Variants in ZNF587B observed in about 807,000 individuals in gnomAD.
ZNF587B encodes zinc finger protein 587B.
Under a neutral mutation model 7.2 loss-of-function variants are expected in ZNF587B, and 6 were observed. The observed-to-expected ratio is 0.83, with a 90% confidence interval of 0.46 to 1.65. The LOEUF is 1.65. Ranked by LOEUF, ZNF587B falls within the 40% of genes most tolerant of loss-of-function variation. ZNF587B has a pLI of 0.01. For missense variants in ZNF587B, 749 were observed against 761.0 expected (o/e 0.98, Z 0.19); for synonymous variants, 274 against 254.3 (o/e 1.08, Z -0.74).
At position 57,844,258 on chromosome 19, in the gene ZNF587B, T is replaced by C. The variant is rs748238362; in HGVS notation, c.*1682T>C. 2 of 428,124 alleles carry C rather than the reference T, an allele frequency of 4.7e-6. No homozygotes were observed. The highest frequency in any genetic ancestry group is 3.2e-5 in the South Asian group (2 of 61,912). The allele number at this position is 428,124 out of a possible 1,614,324, so 26.5% of individuals were successfully genotyped here. On this transcript the variant is annotated 3_prime_UTR_variant, in exon 3 of 3. Transcript: ENST00000594901. ...GCTCATGCCTGTAATCCCAACACTT[T>C]GGGAGGCCGAGGTGGGTGGATCACA...
Position 57,830,577 on chromosome 19 carries a change from C to T in ZNF587B, c.36+13C>T, listed in dbSNP as rs1304474826. On this transcript the variant is annotated intron_variant, in intron 1 of 2. Coordinates refer to ENST00000594901, the MANE Select transcript of ZNF587B (RefSeq NM_001376223.1). Reference sequence around the variant, plus strand: ...GCTCTCTGCTCAGGTAATTGTGGTGCCTTCCATGCCCTCAGGTCACCTCAT... The same window carrying T: ...GCTCTCTGCTCAGGTAATTGTGGTGTCTTCCATGCCCTCAGGTCACCTCAT... 14 of 1,549,822 alleles carry T rather than the reference C, an allele frequency of 9.0e-6. No individual in the cohort carries two copies. Among genetic ancestry groups the T allele is most frequent in the Non-Finnish European group, 1.0e-5 (12 of 1,147,804 alleles).
At chr19:57,840,074 C>G (rs1400168169) in intron 2 of ZNF587B, among the ~76,000 whole-genome samples, 6 of 34,794 alleles carry the variant, frequency 1.7e-4, no homozygotes, top group Non-Finnish European at 3.3e-4. Flanking sequence ...GACTCTGTCT[C>G]CAAAAAAAAA....
At position 57,842,056 on chromosome 19, in the gene ZNF587B, C is replaced by A; in HGVS notation, c.1382C>A (p.Thr461Asn). 1 of 1,589,486 alleles carries A rather than the reference C, an allele frequency of 6.3e-7. No homozygotes were observed. Among genetic ancestry groups the A allele is most frequent in the Non-Finnish European group, 8.6e-7 (1 of 1,167,574 alleles). Residue 461 changes from threonine to asparagine, a missense_variant, in exon 3 of 3, where the codon ACT becomes AAT. This residue lies in a region of ZNF587B where 656 missense variants were observed against 596.5 expected (regional missense o/e 1.10). Transcript: ENST00000594901. ...CTCATTCTACACCAGCATGGCCATA[C>A]TAGAAAAAGGCCTTATATGTGTTGG... ...GNLILHQHGH[T>N]RKRPYMCWEC...
chr19:57,841,451 T>C lies in ZNF587B; in HGVS notation c.777T>C (p.Asn259=). The change falls in exon 3 of 3, where the codon AAT becomes AAC. Residue 259 remains asparagine, a synonymous_variant. Coordinates refer to ENST00000594901, the MANE Select transcript of ZNF587B (RefSeq NM_001376223.1). ...KSFSKYVSFS[N]HQRVHSGKRP... Reference sequence around the variant, plus strand: ...TTAGCAAATATGTTAGCTTCAGTAATCATCAGAGAGTTCACAGTGGAAAAA... The same window carrying C: ...TTAGCAAATATGTTAGCTTCAGTAACCATCAGAGAGTTCACAGTGGAAAAA... 6.3e-7 allele frequency: 1 copy of C among 1,585,950 alleles called. No homozygotes were observed. Among genetic ancestry groups the C allele is most frequent in the Non-Finnish European group, 8.6e-7 (1 of 1,165,116 alleles).
At position 57,841,550 on chromosome 19, in the gene ZNF587B, C is replaced by G. The variant is rs751693551; in HGVS notation, c.876C>G (p.His292Gln). The G allele has an allele frequency of 1.5e-4, 240 of 1,580,206 alleles. No homozygotes were observed. Among genetic ancestry groups the G allele is most frequent in the Non-Finnish European group, 1.9e-4 (219 of 1,162,540 alleles). ...KSSLIQHQQFHTGGKPYGCEE... is the reference protein window; with the variant it reads ...KSSLIQHQQFQTGGKPYGCEE... ...GCCTCATTCAACATCAGCAATTTCACACTGGAGGAAAACCTTATGGGTGTG... is the reference window on the plus strand; with the variant it reads ...GCCTCATTCAACATCAGCAATTTCAGACTGGAGGAAAACCTTATGGGTGTG... The change falls in exon 3 of 3, where the codon CAC becomes CAG. Residue 292 changes from histidine (H) to glutamine (Q), a missense_variant. Around this residue, in one of 3 missense-constraint regions of ZNF587B, gnomAD observed 656 missense variants for 596.5 expected, o/e 1.10. Coordinates refer to ENST00000594901, the MANE Select transcript of ZNF587B (RefSeq NM_001376223.1).
chr19:57,842,504 A>T lies in ZNF587B; in HGVS notation c.1830A>T (p.Glu610Asp). Residue 610 changes from glutamate to aspartate, a missense_variant, in exon 3 of 3, where the codon GAA becomes GAT. Physicochemically the swap from Glu to Asp is conservative, Grantham distance 45. This residue lies in a region of ZNF587B where 656 missense variants were observed against 596.5 expected (regional missense o/e 1.10). Transcript: ENST00000594901. The part of the protein sequence containing the change: ...HTGEKPYGCS[E>D]CEKKFRKSSS... The stretch of plus-strand genomic sequence containing the variant: ...GAGAAAAGCCTTATGGGTGTAGTGA[A>T]TGTGAAAAAAAATTTAGGAAAAGCT... 1 of 1,566,184 alleles carries T rather than the reference A, an allele frequency of 6.4e-7. No homozygotes were observed. The highest frequency in any genetic ancestry group is 2.2e-5 in the East Asian group (1 of 44,742).
At chr19:57,833,065 C>G (rs1266874762) in intron 1 of ZNF587B, among the ~76,000 whole-genome samples, 1 of 152,308 alleles carries the variant, frequency 6.6e-6, no homozygotes, top group Non-Finnish European at 1.5e-5. Context: ...TGTGTTCCCT[C>G]AAGGCCCTAG....
chr19:57,840,924 A>G lies in ZNF587B; in HGVS notation c.250A>G (p.Thr84Ala), dbSNP rs2562053. 810 of 1,573,866 alleles carry G rather than the reference A, an allele frequency of 5.1e-4. 5 individuals carry two copies. Among genetic ancestry groups the G allele is most frequent in the East Asian group, 3.2e-3 (141 of 44,260 alleles). The change falls in exon 3 of 3, where the codon ACA (threonine) becomes GCA (alanine). Residue 84 changes from threonine (T) to alanine (A), a missense_variant. Transcript: ENST00000594901. ...AGAGACTCAGGTCAGGACTCCTGTG[A>G]CAGGTGTGTCTCCCAAGAAGGCCCA... ...QRETQVRTPV[T>A]GVSPKKAHPC...
chr19:57,835,298 A>C (rs943209326), intron 1 of ZNF587B, among the ~76,000 whole-genome samples: 1 of 118,440 alleles, frequency 8.4e-6, no homozygotes, highest in African/African-American at 3.4e-5. Flanking sequence ...TAGATTTTCT[A>C]ATGCGGTCGG....
intron 1 of ZNF587B, among the ~76,000 whole-genome samples, chr19:57,833,313 CTG>C (rs1175924583): frequency 4.7e-5 from 7 of 148,152 alleles, no homozygotes; most frequent in Non-Finnish European, 9.0e-5. Context: ...CAGCCTCACT[CTG>C]TGGCCACCAC....
rs753674010 is a variant in ZNF587B, at chr19:57,842,438, T to C, written c.1764T>C (p.Ala588=). 6.2e-7 allele frequency: 1 copy of C among 1,603,442 alleles called. No homozygotes were observed. The highest frequency in any genetic ancestry group is 1.7e-5 in the Admixed American group (1 of 58,482). The change falls in exon 3 of 3, where the codon GCT becomes GCC. Residue 588 remains alanine (A), a synonymous_variant. Transcript: ENST00000594901. ...YECSECGKSF[A]GISSLTNHRR... ...GCAGTGAATGTGGGAAATCTTTTGCTGGAATCTCCAGTCTCACTAATCACA... is the reference window on the plus strand; with the variant it reads ...GCAGTGAATGTGGGAAATCTTTTGCCGGAATCTCCAGTCTCACTAATCACA...
chr19:57,831,403 A>AT (rs960705385), intron 1 of ZNF587B, among the ~76,000 whole-genome samples: 3 of 152,080 alleles, frequency 2.0e-5, no homozygotes, highest in African/African-American at 4.8e-5. Flanking sequence ...TTTATTTTTT[A>AT]TTTTTTTGAG....
Position 57,837,275 on chromosome 19 carries a change from A to C in ZNF587B, c.37-1748A>C, listed in dbSNP as rs1287229143. Among the ~76,000 whole-genome samples, 11 of 147,282 alleles carry C rather than the reference A, an allele frequency of 7.5e-5. No homozygotes were observed. In the East Asian group the frequency reaches 2.2e-3, roughly 29 times the overall value. On this transcript the variant is annotated intron_variant, in intron 1 of 2. Transcript: ENST00000594901. ...ATATGTGATACCTTTTTTTTTTTTG[A>C]GGCACAATTTTGCTTTTGTTGCCCA...
At chr19:57,840,414 G>A (rs1011337866) in intron 2 of ZNF587B, among the ~76,000 whole-genome samples, 2 of 152,078 alleles carry the variant, frequency 1.3e-5, no homozygotes, top group Non-Finnish European at 2.9e-5. Context: ...GTGTTCTCCA[G>A]TATTTGCATA....
At position 57,830,352 on chromosome 19, in the gene ZNF587B, G is replaced by C. The variant is rs141865621; in HGVS notation, c.-177G>C. 5 of 638,390 alleles carry C rather than the reference G, an allele frequency of 7.8e-6. No individual in the cohort carries two copies. Among genetic ancestry groups the C allele is most frequent in the Non-Finnish European group, 1.3e-5 (5 of 370,864 alleles). 39.5% of individuals were successfully genotyped at this position (638,390 alleles called of 1,614,324 possible). ...GGCTCCTGAGCGCTAGGTCGGCACT[G>C]CGGTGACTGAACCCAGAAGGCGGAG... On this transcript the variant is annotated 5_prime_UTR_variant, in exon 1 of 3. Transcript: ENST00000594901.
chr19:57,840,274 T>C (rs934039089), intron 2 of ZNF587B, among the ~76,000 whole-genome samples: 1 of 152,040 alleles, frequency 6.6e-6, no homozygotes, highest in African/African-American at 2.4e-5. Context: ...GTCTATCTTA[T>C]CATTTCTACT....
chr19:57,834,609 G>A (rs1342784857), intron 1 of ZNF587B, among the ~76,000 whole-genome samples: 3 of 99,062 alleles, frequency 3.0e-5, no homozygotes, highest in Admixed American at 1.2e-4. Context: ...TGAGGCAGGC[G>A]GATCAACTGA....
rs1274075527 is a variant in ZNF587B, at chr19:57,844,052, C to T, written c.*1476C>T. ...CGTGGCATAAGTCACCATGCTGGGACTTTTTTATTTCTTTAATTTTTAATT... is the reference window on the plus strand; with the variant it reads ...CGTGGCATAAGTCACCATGCTGGGATTTTTTTATTTCTTTAATTTTTAATT... On this transcript the variant is annotated 3_prime_UTR_variant, in exon 3 of 3. Coordinates refer to ENST00000594901, the MANE Select transcript of ZNF587B (RefSeq NM_001376223.1). Among the ~76,000 whole-genome samples, 1 of 152,100 alleles carries T rather than the reference C, an allele frequency of 6.6e-6. No individual in the cohort carries two copies. The highest frequency in any genetic ancestry group is 1.5e-5 in the Non-Finnish European group (1 of 68,018).
chr19:57,842,874 C>T lies in ZNF587B; in HGVS notation c.*298C>T, dbSNP rs559781007. The T allele has an allele frequency of 6.5e-5, 64 of 985,308 alleles. No homozygotes were observed. The highest frequency in any genetic ancestry group is 6.6e-5 in the Non-Finnish European group (55 of 829,948). 61.0% of individuals were successfully genotyped at this position (985,308 alleles called of 1,614,324 possible). ...AAAACTCACAGGAGAGCTGTCACTA[C>T]GGAAATGCCTTTTGAATGTAATGTT... On this transcript the variant is annotated 3_prime_UTR_variant, in exon 3 of 3. Coordinates refer to ENST00000594901, the MANE Select transcript of ZNF587B (RefSeq NM_001376223.1).
Sources: gnomAD v4.1 joint callset for allele counts (sites outside exome capture counted in the v4.1 genomes callset) on GRCh38, gnomAD v4.1.1 for gene constraint, gnomAD v4.1.1 regional missense constraint, MANE v1.5 for transcripts, NCBI Gene and HGNC (gene_info 2026-07-23, HGNC 2026-07-21) for gene names.